Variants in DST observed in about 807,000 individuals in gnomAD.
DST encodes the protein bullous pemphigoid antigen.
Under a neutral mutation model 875.2 loss-of-function variants are expected in DST, and 253 were observed. That is an observed-to-expected ratio of 0.29 (90% CI 0.26 to 0.32). The LOEUF (loss-of-function observed/expected upper bound fraction) is 0.32. DST is among the 10% of genes least tolerant of loss of function. The pLI is 1.00. For synonymous variants in DST, 3,124 were observed against 3,197.1 expected, an observed-to-expected ratio of 0.98 and a Z score of 0.77; for missense variants, 8,287 against 9,111.6, an observed-to-expected ratio of 0.91 and a Z score of 3.68.
intron 2 of DST, among the ~76,000 whole-genome samples, chr6:56,902,188 T>C (rs970802408): frequency 6.6e-6 from 1 of 152,232 alleles, no homozygotes; most frequent in East Asian, 1.9e-4. Context: ...GATAATGTGC[T>C]GGTATGAGGG....
chr6:56,672,255 G>A (rs933238941), intron 9 of DST, among the ~76,000 whole-genome samples: 1 of 152,122 alleles, frequency 6.6e-6, no homozygotes, highest in Non-Finnish European at 1.5e-5. Context: ...TGTTGGAAAT[G>A]ATGGGGGGCC....
chr6:56,547,337 T>C (rs2152544918), intron 61 of DST, among the ~76,000 whole-genome samples: 1 of 152,318 alleles, frequency 6.6e-6, no homozygotes. Context: ...TCTTTCTTCC[T>C]AAAGTTGTTA....
Position 56,604,838 on chromosome 6 carries a change from T to C in DST, c.9790A>G (p.Thr3264Ala). 1 of 1,612,822 alleles carries C rather than the reference T, an allele frequency of 6.2e-7. No individual in the cohort carries two copies. The highest frequency in any genetic ancestry group is 8.5e-7 in the Non-Finnish European group (1 of 1,179,300). The part of the protein sequence containing the change: ...SGGGTEISQF[T>A]PESIEATLSI... ...AGTGTGGCTTCAATACTTTCTGGTG[T>C]GAACTGAGAAATTTCTGTTCCTCCT... Residue 3264 changes from threonine (T) to alanine (A), a missense_variant, in exon 40 of 104, where the codon ACA becomes GCA. Physicochemically the swap from Thr to Ala is moderately conservative, Grantham distance 58. This residue lies in a region of DST where 3,138 missense variants were observed against 3,116.6 expected (regional missense o/e 1.01). Coordinates refer to ENST00000680361, the MANE Select transcript of DST (RefSeq NM_001374736.1).
At chr6:56,738,832 A>T (rs756343882) in intron 4 of DST, among the ~76,000 whole-genome samples, 1 of 151,368 alleles carries the variant, frequency 6.6e-6, no homozygotes, top group Non-Finnish European at 1.5e-5. Flanking sequence ...CATGTTGCCC[A>T]GGCTGGTCTT....
chr6:56,558,409 C>T (rs900141700), intron 58 of DST, among the ~76,000 whole-genome samples: 16 of 152,114 alleles, frequency 1.1e-4, no homozygotes, highest in African/African-American at 3.9e-4. Context: ...GCATCTTTAA[C>T]AGAGATTTCT....
At chr6:56,884,623 C>G (rs756463934) in intron 3 of DST, among the ~76,000 whole-genome samples, 4 of 152,158 alleles carry the variant, frequency 2.6e-5, no homozygotes, top group Non-Finnish European at 5.9e-5. Flanking sequence ...ATTCCTTCTT[C>G]CTTCAACAGC....
At chr6:56,538,603 G>C (rs1206000282) in intron 61 of DST, among the ~76,000 whole-genome samples, 1 of 152,146 alleles carries the variant, frequency 6.6e-6, no homozygotes, top group Non-Finnish European at 1.5e-5. Context: ...TAGCATACAG[G>C]ATACTCCTGT....
Position 56,526,467 on chromosome 6 carries a change from C to G in DST, c.18023G>C (p.Gly6008Ala). 4 of 1,613,874 alleles carry G rather than the reference C, an allele frequency of 2.5e-6. No homozygotes were observed. Among genetic ancestry groups the G allele is most frequent in the Non-Finnish European group, 3.4e-6 (4 of 1,179,810 alleles). The change falls in exon 69 of 104, where the codon GGA (glycine) becomes GCA (alanine). Residue 6008 changes from glycine (G) to alanine (A), a missense_variant. Transcript: ENST00000680361. ...LELVPWRARE[G>A]LEKMVAEDNE... ...GTCCTCAGCTACCATTTTCTCAAGT[C>G]CTTCTCTTGCCCTCCATGGTACCAG...
chr6:56,463,870 G>A (rs774589681), intron 100 of DST, 106 bp from the exon 101 acceptor site: 12 of 1,168,038 alleles, frequency 1.0e-5, no homozygotes, highest in Non-Finnish European at 1.3e-6. Flanking sequence ...ATCACGTTGA[G>A]AATTTCAAGA....
At chr6:56,535,803 C>T (rs999605808) in intron 62 of DST, among the ~76,000 whole-genome samples, 1 of 152,158 alleles carries the variant, frequency 6.6e-6, no homozygotes, top group Non-Finnish European at 1.5e-5. Context: ...CTTTTTTCAA[C>T]AAACCAGGCC....
rs1340867606 is a variant in DST, at chr6:56,482,748, G to A, written c.21337C>T (p.Arg7113Cys). The change falls in exon 89 of 104, where the codon CGC becomes TGC. Residue 7113 changes from arginine (R) to cysteine (C), a missense_variant. This residue lies in a region of DST where 1,292 missense variants were observed against 1,552.7 expected (regional missense o/e 0.83). Coordinates refer to ENST00000680361, the MANE Select transcript of DST (RefSeq NM_001374736.1). ...VKVQMQELST[R>C]WETVCALSIS... is the part of the protein sequence containing the mutation. ...GAAAGTGCACACACGGTCTCCCAGC[G>A]TGTGCTTAATTCCTGCATCTGGACC... 5.6e-6 allele frequency: 9 copies of A among 1,613,824 alleles called. No homozygotes were observed. The highest frequency in any genetic ancestry group is 2.2e-5 in the South Asian group (2 of 91,056).
At chr6:56,757,583 C>T (rs907589053) in intron 4 of DST, among the ~76,000 whole-genome samples, 2 of 152,194 alleles carry the variant, frequency 1.3e-5, no homozygotes, top group African/African-American at 4.8e-5. Context: ...CCTCCCCAGC[C>T]TTACTTTCAA....
intron 4 of DST, among the ~76,000 whole-genome samples, chr6:56,828,368 A>G (rs2099783273): frequency 6.6e-6 from 1 of 152,258 alleles, no homozygotes; most frequent in Non-Finnish European, 1.5e-5. Flanking sequence ...AGCCTGCTGC[A>G]TGCAATGTAC....
intron 87 of DST, among the ~76,000 whole-genome samples, chr6:56,486,849 A>C (rs767277064): frequency 6.6e-5 from 10 of 152,196 alleles, no homozygotes; most frequent in Non-Finnish European, 1.5e-4. Flanking sequence ...AGTCAGAAGC[A>C]GTGGGTGTAG....
chr6:56,787,396 T>C (rs993906511), intron 4 of DST, among the ~76,000 whole-genome samples: 2 of 152,232 alleles, frequency 1.3e-5, no homozygotes, highest in Admixed American at 1.3e-4. Flanking sequence ...GCAACTTGAC[T>C]TCACTTGGAA....
intron 101 of DST, 51 bp downstream of exon 101, chr6:56,463,514 T>C: frequency 6.8e-7 from 1 of 1,469,524 alleles, no homozygotes; most frequent in Non-Finnish European, 9.1e-7. Context: ...AAAAGTCTAC[T>C]TGGGACATTG....
chr6:56,575,164 G>T (rs951189997), intron 50 of DST, among the ~76,000 whole-genome samples: 7 of 152,042 alleles, frequency 4.6e-5, no homozygotes, highest in African/African-American at 1.4e-4. Flanking sequence ...CAAGCAGTGG[G>T]TTCAAAAATA....
chr6:56,471,904 T>G (rs964146356), intron 94 of DST, 155 bp downstream of exon 94: 1 of 748,518 alleles, frequency 1.3e-6, no homozygotes, highest in Non-Finnish European at 2.4e-6. Context: ...CACATACTTG[T>G]GGTATTTATT....
At chr6:56,705,152 G>A (rs1423033832) in intron 5 of DST, among the ~76,000 whole-genome samples, 1 of 152,190 alleles carries the variant, frequency 6.6e-6, no homozygotes. Context: ...CCCACTGCAA[G>A]GTTTGTGTTG....
Sources: gnomAD v4.1 joint callset for allele counts (sites outside exome capture counted in the v4.1 genomes callset) on GRCh38, gnomAD v4.1.1 for gene constraint, gnomAD v4.1.1 regional missense constraint, MANE v1.5 for transcripts, NCBI Gene and HGNC (gene_info 2026-07-23, HGNC 2026-07-21) for gene names.